The following NCMAP variants were observed in gnomAD, a reference collection of about 807,000 sequenced individuals.
The protein encoded by NCMAP is noncompact myelin-associated protein.
A neutral mutation model predicts 7.8 loss-of-function variants in NCMAP; 8 were observed. The ratio of observed to expected loss-of-function variants is 1.02; its 90% CI spans 0.60 to 1.84. The LOEUF (loss-of-function observed/expected upper bound fraction) is 1.84, where lower values mean the gene tolerates loss of function less well. Ranked by LOEUF, NCMAP falls within the 40% of genes most tolerant of loss-of-function variation. NCMAP has a pLI of 0.00. For synonymous variants in NCMAP, 41 were observed against 52.9 expected (o/e 0.78, Z 0.98); for missense variants, 112 against 131.4 (o/e 0.85, Z 0.72).
chr1:24,561,763 A>G (rs1226215286), intron 1 of NCMAP, among the ~76,000 whole-genome samples: 2 of 152,208 alleles, frequency 1.3e-5, no homozygotes, highest in East Asian at 3.9e-4. Flanking sequence ...ATAAAAAATT[A>G]GCCAGGTGTG....
rs556718774 is a variant in NCMAP at position 24,572,377 on chromosome 1, C to T, written c.-8+16208C>T. Among the ~76,000 whole-genome samples, 10 of 150,944 alleles carry T rather than the reference C, an allele frequency of 6.6e-5. No homozygotes were observed. The East Asian group carries it at 1.3e-3, about 20-fold the overall frequency. ...CTCCAACCCCATCAGACCCTTCCTT[C>T]CTGTGCCTCTGACCTGCTCTTTCCC... On this transcript the variant is annotated intron_variant, in intron 1 of 3. Coordinates refer to ENST00000374392, the MANE Select transcript of NCMAP (RefSeq NM_001010980.5).
chr1:24,577,106 C>G (rs1436006740), intron 1 of NCMAP, among the ~76,000 whole-genome samples: 2 of 151,852 alleles, frequency 1.3e-5, no homozygotes, highest in East Asian at 3.9e-4. Context: ...CCACTGCACT[C>G]CAGGCCTGGG....
rs1481361643 is a variant in NCMAP, at chr1:24,600,995, G to C, written c.138G>C (p.Val46=). ...TGGTTGTCATCATCATCTTCACCGT[G>C]GTTCTGATCCTGCTGAAGATGTACA... is the stretch of plus-strand genomic sequence containing the variant. ...VVVVVIIIFT[V]VLILLKMYNR... is the part of the protein sequence containing the mutation. Residue 46 remains valine (V), a synonymous_variant, in exon 3 of 4, where the codon GTG becomes GTC. Coordinates refer to ENST00000374392, the MANE Select transcript of NCMAP (RefSeq NM_001010980.5). 7 of 1,613,996 alleles carry C rather than the reference G, an allele frequency of 4.3e-6. No individual in the cohort carries two copies. The highest frequency in any genetic ancestry group is 1.7e-5 in the Admixed American group (1 of 59,992).
intron 2 of NCMAP, among the ~76,000 whole-genome samples, chr1:24,596,815 T>G (rs548054796): frequency 1.3e-5 from 2 of 152,326 alleles, no homozygotes; most frequent in East Asian, 3.9e-4. Context: ...GGGAGGCATT[T>G]GCCGTGAACT....
At chr1:24,584,701 C>T (rs1436890109) in intron 1 of NCMAP, among the ~76,000 whole-genome samples, 1 of 151,794 alleles carries the variant, frequency 6.6e-6, no homozygotes, top group Non-Finnish European at 1.5e-5. Context: ...GGTTGATGCC[C>T]AGTACATGTG....
rs1232505084 is a variant in NCMAP at position 24,600,925 on chromosome 1, C to T, written c.83-15C>T. ...GTTTGCACATTCACGGTCTCTGCTT[C>T]TCTCCTTTCTGTAGGTTCTGGAGCC... On this transcript the variant is annotated splice_polypyrimidine_tract_variant and intron_variant, in intron 2 of 3. Transcript: ENST00000374392. 1 of 1,613,312 alleles carries T rather than the reference C, an allele frequency of 6.2e-7. No individual in the cohort carries two copies. Among genetic ancestry groups the T allele is most frequent in the Non-Finnish European group, 8.5e-7 (1 of 1,179,394 alleles).
intron 1 of NCMAP, among the ~76,000 whole-genome samples, chr1:24,587,360 C>T (rs1651910327): frequency 6.6e-6 from 1 of 152,132 alleles, no homozygotes; most frequent in Non-Finnish European, 1.5e-5. Context: ...AGATTGGCTT[C>T]GCAGGATGGT....
At chr1:24,598,284 A>T (rs1008706650) in intron 2 of NCMAP, among the ~76,000 whole-genome samples, 2 of 142,584 alleles carry the variant, frequency 1.4e-5, no homozygotes, top group Non-Finnish European at 3.2e-5. Context: ...ATAAGTGCCC[A>T]GCTGGGTGAA....
intron 1 of NCMAP, among the ~76,000 whole-genome samples, chr1:24,582,120 C>T (rs529059902): frequency 6.6e-6 from 1 of 152,262 alleles, no homozygotes; most frequent in Admixed American, 6.5e-5. Flanking sequence ...CTCTCACAGC[C>T]CTTCTCATGC....
At chr1:24,593,875 TA>T (rs1652128240) in intron 1 of NCMAP, among the ~76,000 whole-genome samples, 12 of 142,780 alleles carry the variant, frequency 8.4e-5, no homozygotes, top group Admixed American at 8.3e-4. Context: ...TTTATTTATT[TA>T]TTTATTTATT....
chr1:24,558,082 A>C (rs1650957648), intron 1 of NCMAP, among the ~76,000 whole-genome samples: 1 of 152,156 alleles, frequency 6.6e-6, no homozygotes, highest in African/African-American at 2.4e-5. Context: ...GTGGGTTTCC[A>C]TCTCCCTGGG....
chr1:24,598,848 G>A (rs1054231919), intron 2 of NCMAP, among the ~76,000 whole-genome samples: 1 of 151,034 alleles, frequency 6.6e-6, no homozygotes, highest in African/African-American at 2.4e-5. Context: ...ATGTTAGCCA[G>A]GCTGGTCTCA....
At position 24,569,877 on chromosome 1, in the gene NCMAP, G is replaced by A. The variant is rs775768958; in HGVS notation, c.-8+13708G>A. 5.4e-4 allele frequency among the ~76,000 whole-genome samples: 82 copies of A among 150,508 alleles called. 1 individual carries two copies. Among genetic ancestry groups the A allele is most frequent in the Admixed American group, 7.2e-4 (11 of 15,242 alleles). ...GCAGACTCTGAAGTCAGATTCTTTG[G>A]GGTCACGTCCTTCCTCAGTTGGTGA... On this transcript the variant is annotated intron_variant, in intron 1 of 3. Transcript: ENST00000374392.
intron 1 of NCMAP, among the ~76,000 whole-genome samples, chr1:24,561,215 C>T (rs1055192015): frequency 1.2e-4 from 18 of 146,532 alleles, no homozygotes; most frequent in African/African-American, 3.6e-4. Context: ...GGCACGGTGG[C>T]GAGCACCTGT....
At chr1:24,595,675 A>G (rs559056684) in intron 2 of NCMAP, among the ~76,000 whole-genome samples, 163 bp downstream of exon 2, 1 of 152,224 alleles carries the variant, frequency 6.6e-6, no homozygotes, top group South Asian at 2.1e-4. Flanking sequence ...AAAGCAATGG[A>G]CATATGCCTC....
chr1:24,594,922 T>C (rs1652168915), intron 1 of NCMAP, among the ~76,000 whole-genome samples: 2 of 152,186 alleles, frequency 1.3e-5, no homozygotes. Flanking sequence ...ATAGTTAATT[T>C]TTCATCTGTT....
chr1:24,582,846 G>A (rs1651782374), intron 1 of NCMAP, among the ~76,000 whole-genome samples: 1 of 152,204 alleles, frequency 6.6e-6, no homozygotes, highest in South Asian at 2.1e-4. Flanking sequence ...CAGCACAGAT[G>A]CCTCAGGCAA....
At chr1:24,579,984 T>G (rs1651696842) in intron 1 of NCMAP, among the ~76,000 whole-genome samples, 1 of 152,218 alleles carries the variant, frequency 6.6e-6, no homozygotes, top group Non-Finnish European at 1.5e-5. Context: ...AATGTGCCTA[T>G]GAATCTCCTG....
At chr1:24,568,823 A>G (rs1651302613) in intron 1 of NCMAP, among the ~76,000 whole-genome samples, 1 of 152,064 alleles carries the variant, frequency 6.6e-6, no homozygotes, top group African/African-American at 2.4e-5. Context: ...GGGTCTCGAT[A>G]TATTGCCCAG....
Sources: allele counts gnomAD v4.1 joint callset (sites outside exome capture counted in the v4.1 genomes callset), GRCh38; gene constraint gnomAD v4.1.1; transcripts MANE v1.5; gene names NCBI Gene and HGNC (gene_info 2026-07-23, HGNC 2026-07-21).